The following ITSN2 variants were observed in gnomAD, a reference collection of about 807,000 sequenced individuals.
ITSN2 encodes intersectin 2, also known as intersectin-2.
Under a neutral mutation model 243.7 loss-of-function variants are expected in ITSN2, and 156 were observed. The observed-to-expected ratio is 0.64, with a 90% confidence interval of 0.56 to 0.73. The LOEUF (loss-of-function observed/expected upper bound fraction) is 0.73. Ranked by LOEUF, ITSN2 falls within the 30% of genes least tolerant of loss-of-function variation. The pLI, the probability that ITSN2 is intolerant of heterozygous loss-of-function variation, is 0.00. For missense variants in ITSN2, 1,801 were observed against 1,996.1 expected (o/e 0.90, Z 1.86); for synonymous variants, 703 against 699.9 (o/e 1.00, Z -0.07).
intron 1 of ITSN2, among the ~76,000 whole-genome samples, chr2:24,344,053 C>A (rs904495484): frequency 1.3e-5 from 2 of 152,126 alleles, no homozygotes; most frequent in Non-Finnish European, 2.9e-5. Flanking sequence ...TTTTCAAACC[C>A]AAATAAAATT....
intron 1 of ITSN2, among the ~76,000 whole-genome samples, chr2:24,336,013 A>G (rs13007722): frequency 1.3e-5 from 2 of 151,376 alleles, no homozygotes; most frequent in Non-Finnish European, 2.9e-5. Flanking sequence ...AGGCCGAGGC[A>G]GGTGGATCAC....
chr2:24,342,461 T>A (rs980307763), intron 1 of ITSN2, among the ~76,000 whole-genome samples: 1 of 150,496 alleles, frequency 6.6e-6, no homozygotes, highest in African/African-American at 2.5e-5. Context: ...AGCCTCCCAA[T>A]GCAAGCTTTC....
chr2:24,248,293 G>A (rs1406013998), intron 27 of ITSN2, among the ~76,000 whole-genome samples: 1 of 152,092 alleles, frequency 6.6e-6, no homozygotes, highest in Non-Finnish European at 1.5e-5. Context: ...CTTTCTCCTA[G>A]AGGCTATACT....
chr2:24,313,576 C>T (rs942190878), intron 3 of ITSN2, 53 bp from the exon 4 acceptor site: 7 of 1,296,576 alleles, frequency 5.4e-6, no homozygotes, highest in Non-Finnish European at 7.8e-6. Flanking sequence ...TGAAATTATT[C>T]CAATGCTTCT....
rs557026608 is a variant in ITSN2, at chr2:24,219,887, C to T, written c.3699+1058G>A. Among the ~76,000 whole-genome samples, 5 of 152,272 alleles carry T rather than the reference C, an allele frequency of 3.3e-5. No individual in the cohort carries two copies. In the South Asian group the frequency reaches 8.3e-4, roughly 25 times the overall value. ...CCAGAGAGGTGCAGACATAAACACA[C>T]CCAATTCACTGACTACTTATGGAAA... On this transcript the variant is annotated intron_variant, in intron 30 of 39. Transcript: ENST00000355123.
Position 24,209,931 on chromosome 2 carries a change from G to C in ITSN2, c.4360C>G (p.Leu1454Val). Residue 1454 changes from leucine to valine, a missense_variant, in exon 35 of 40, where the codon CTC becomes GTC. Transcript: ENST00000355123. ...GTAAGAAGCAGGAAGTCATTGAAGA[G>C]GAATCCGTGCAGTTCCTTGTTGCTC... Reference protein sequence around the residue: ...TKSNKELHGFLFNDFLLLTYM... With the variant: ...TKSNKELHGFVFNDFLLLTYM... The C allele has an allele frequency of 6.2e-7, 1 of 1,614,214 alleles. No individual in the cohort carries two copies. The highest frequency in any genetic ancestry group is 8.5e-7 in the Non-Finnish European group (1 of 1,180,014).
intron 18 of ITSN2, among the ~76,000 whole-genome samples, chr2:24,274,749 G>T (rs1558533965): frequency 6.6e-6 from 1 of 152,110 alleles, no homozygotes; most frequent in Non-Finnish European, 1.5e-5. Flanking sequence ...AAGAATAGAG[G>T]CCTGCCAAAT....
chr2:24,351,996 T>C (rs1232483359), intron 1 of ITSN2, among the ~76,000 whole-genome samples: 1 of 152,240 alleles, frequency 6.6e-6, no homozygotes, highest in African/African-American at 2.4e-5. Context: ...ACAAGTCTTA[T>C]ATCTGTGAAA....
At chr2:24,254,086 AAC>A (rs1674707311) in intron 24 of ITSN2, among the ~76,000 whole-genome samples, 1 of 152,224 alleles carries the variant, frequency 6.6e-6, no homozygotes, top group African/African-American at 2.4e-5. Context: ...CAATAATTGC[AAC>A]ACTTTTTATT....
At chr2:24,280,817 A>C (rs1678673252) in intron 17 of ITSN2, among the ~76,000 whole-genome samples, 1 of 152,136 alleles carries the variant, frequency 6.6e-6, no homozygotes, top group African/African-American at 2.4e-5. Context: ...TTTGACATCC[A>C]CATAAATGAT....
At chr2:24,333,547 T>C (rs1449821305) in intron 1 of ITSN2, among the ~76,000 whole-genome samples, 1 of 152,220 alleles carries the variant, frequency 6.6e-6, no homozygotes, top group Non-Finnish European at 1.5e-5. Context: ...TTTTGAATAC[T>C]GTTAGTTATG....
chr2:24,242,913 G>A (rs1672903338), intron 29 of ITSN2, among the ~76,000 whole-genome samples: 1 of 152,170 alleles, frequency 6.6e-6, no homozygotes, highest in Non-Finnish European at 1.5e-5. Context: ...TAATAGGTAA[G>A]TTACTGGTAA....
At position 24,309,619 on chromosome 2, in the gene ITSN2, T is replaced by C. The variant is rs539013802; in HGVS notation, c.653+665A>G. On this transcript the variant is annotated intron_variant, in intron 7 of 39. Coordinates refer to ENST00000355123, the MANE Select transcript of ITSN2 (RefSeq NM_006277.3). ...ATGAGACTACCGCATATAAAGAACC[T>C]GCTCTGTGCCAGACCTTATATTGTA... 2.6e-5 allele frequency among the ~76,000 whole-genome samples: 4 copies of C among 152,362 alleles called. No homozygotes were observed. In the South Asian group the frequency reaches 8.3e-4, roughly 32 times the overall value.
In ITSN2 at chr2:24,310,421, A is replaced by G. The variant is rs532404788; in HGVS notation, c.557-41T>C. 49 of 1,604,146 alleles carry G rather than the reference A, an allele frequency of 3.1e-5. No homozygotes were observed. In the East Asian group the frequency reaches 8.2e-4, roughly 27 times the overall value. On this transcript the variant is annotated intron_variant, in intron 6 of 39. Transcript: ENST00000355123. Reference sequence around the variant, plus strand: ...AAGGAAAAGTATGAAAGAAATTTGTATCTGTTCAAACACAAATAGTTTCTT... The same window carrying G: ...AAGGAAAAGTATGAAAGAAATTTGTGTCTGTTCAAACACAAATAGTTTCTT...
chr2:24,270,332 G>A (rs1034927778), intron 20 of ITSN2, among the ~76,000 whole-genome samples: 1 of 152,164 alleles, frequency 6.6e-6, no homozygotes, highest in Non-Finnish European at 1.5e-5. Context: ...TAGGGCTGTG[G>A]AATCTAACTC....
chr2:24,323,109 T>C (rs1441961458), intron 2 of ITSN2, among the ~76,000 whole-genome samples: 1 of 151,658 alleles, frequency 6.6e-6, no homozygotes, highest in African/African-American at 2.4e-5. Flanking sequence ...TATATGCTGG[T>C]GGGAAAGCAA....
Position 24,205,224 on chromosome 2 carries a change from G to T in ITSN2, c.4752C>A (p.Cys1584Ter). ...CAAGGCAGTATTTACCATTTGGTTT[G>T]CAGGCTTTTAATTCTGTAGCTTCAA... ...HVIEATELKA[C>*]KPNGKSNPYC... is the part of the protein sequence containing the mutation. The change falls in exon 38 of 40, where the codon TGC becomes TGA. Residue 1584 changes from cysteine to a stop codon, truncating the protein, a stop_gained. Transcript: ENST00000355123. LOFTEE classifies it high-confidence loss of function. The T allele has an allele frequency of 6.2e-7, 1 of 1,613,562 alleles. No individual in the cohort carries two copies. The highest frequency in any genetic ancestry group is 8.5e-7 in the Non-Finnish European group (1 of 1,179,532).
intron 20 of ITSN2, among the ~76,000 whole-genome samples, chr2:24,267,579 T>A (rs1574081191): frequency 6.6e-6 from 1 of 152,072 alleles, no homozygotes; most frequent in African/African-American, 2.4e-5. Context: ...TCAGACAGGG[T>A]CTTACTCTGT....
At chr2:24,252,309 A>T in intron 25 of ITSN2, 36 bp downstream of exon 25, 3 of 1,450,654 alleles carry the variant, frequency 2.1e-6, no homozygotes, top group Non-Finnish European at 1.9e-6. Flanking sequence ...TATAAACCTG[A>T]TTAACCAGAA....
Sources: gnomAD v4.1 joint callset for allele counts (sites outside exome capture counted in the v4.1 genomes callset) on GRCh38, gnomAD v4.1.1 for gene constraint, MANE v1.5 for transcripts, NCBI Gene and HGNC (gene_info 2026-07-23, HGNC 2026-07-21) for gene names.